SYT9: variants seen among roughly 807,000 people sequenced by gnomAD.
SYT9 encodes the protein synaptotagmin-9.
Under a neutral mutation model 48.4 loss-of-function variants are expected in SYT9, and 22 were observed. That is an observed-to-expected ratio of 0.45 (90% CI 0.32 to 0.65). SYT9 has a LOEUF of 0.65. Ranked by LOEUF, SYT9 falls within the 30% of genes least tolerant of loss-of-function variation. SYT9 has a pLI of 0.03. For missense variants in SYT9, 577 were observed against 622.0 expected (o/e 0.93, Z 0.77); for synonymous variants, 265 against 245.0 (o/e 1.08, Z -0.76).
intron 3 of SYT9, among the ~76,000 whole-genome samples, chr11:7,364,106 T>A (rs1850197702): frequency 6.6e-6 from 1 of 152,118 alleles, no homozygotes; most frequent in African/African-American, 2.4e-5. Context: ...ACAGCAAAGA[T>A]AATCCACTGA....
intron 6 of SYT9, among the ~76,000 whole-genome samples, chr11:7,436,172 T>A (rs1847705435): frequency 6.6e-6 from 1 of 152,224 alleles, no homozygotes; most frequent in Non-Finnish European, 1.5e-5. Flanking sequence ...CACTCCATGC[T>A]AAGAGAACAT....
intron 1 of SYT9, among the ~76,000 whole-genome samples, chr11:7,289,682 T>C (rs1848664386): frequency 6.6e-6 from 1 of 152,216 alleles, no homozygotes; most frequent in African/African-American, 2.4e-5. Context: ...GAATTGGTAT[T>C]CTTTGTATCT....
intron 3 of SYT9, among the ~76,000 whole-genome samples, chr11:7,352,152 T>G (rs959033852): frequency 5.3e-5 from 8 of 152,238 alleles, no homozygotes; most frequent in Admixed American, 3.9e-4. Flanking sequence ...TGTGAGAATT[T>G]ACCCAGTGTA....
intron 3 of SYT9, among the ~76,000 whole-genome samples, chr11:7,336,863 T>C (rs538245587): frequency 1.3e-5 from 2 of 152,310 alleles, no homozygotes; most frequent in African/African-American, 4.8e-5. Context: ...AATTTTAAAA[T>C]AGTTTCTGCT....
intron 1 of SYT9, among the ~76,000 whole-genome samples, chr11:7,259,403 A>T (rs543914872): frequency 4.6e-4 from 70 of 152,068 alleles, no homozygotes; most frequent in Admixed American, 4.5e-3. Flanking sequence ...TTTAGTGTGA[A>T]TAATGTCTTG....
At chr11:7,457,375 T>C (rs976319850) in intron 6 of SYT9, 1 of 152,268 alleles carries the variant, frequency 6.6e-6, no homozygotes, top group Non-Finnish European at 1.5e-5. Context: ...CACTTGATAT[T>C]ATCTGTGTGT....
chr11:7,238,825 T>C (rs1241428388), exon 1 of SYT9: 1 of 455,724 alleles, frequency 2.2e-6, no homozygotes, highest in African/African-American at 2.0e-5. Context: ...AGACTTCAAT[T>C]TGGGAAAGAA....
intron 3 of SYT9, among the ~76,000 whole-genome samples, chr11:7,360,439 G>T (rs915468839): frequency 1.1e-4 from 17 of 152,116 alleles, no homozygotes; most frequent in African/African-American, 3.6e-4. Flanking sequence ...AAATTACCTT[G>T]GGCAGTATGG....
chr11:7,341,596 T>C (rs955530846), intron 3 of SYT9, among the ~76,000 whole-genome samples: 2 of 152,204 alleles, frequency 1.3e-5, no homozygotes, highest in East Asian at 3.9e-4. Flanking sequence ...ATTAAACCTC[T>C]TTTTCTTTAT....
chr11:7,286,895 T>A (rs1192203071), intron 1 of SYT9, among the ~76,000 whole-genome samples: 2 of 152,194 alleles, frequency 1.3e-5, no homozygotes, highest in Non-Finnish European at 2.9e-5. Flanking sequence ...ATTCAACAAG[T>A]CTCCAGGAAG....
At chr11:7,290,617 G>A (rs192153477) in intron 1 of SYT9, among the ~76,000 whole-genome samples, 11 of 152,246 alleles carry the variant, frequency 7.2e-5, no homozygotes, top group African/African-American at 9.6e-5. Context: ...CACATTTTTA[G>A]TGGAGTAAGG....
chr11:7,274,114 G>T (rs1270302175), intron 1 of SYT9, among the ~76,000 whole-genome samples: 1 of 152,274 alleles, frequency 6.6e-6, no homozygotes, highest in South Asian at 2.1e-4. Flanking sequence ...CTTGTATGCT[G>T]TTTGAGATAA....
intron 1 of SYT9, among the ~76,000 whole-genome samples, chr11:7,287,698 C>T (rs755749893): frequency 3.9e-5 from 6 of 152,130 alleles, no homozygotes; most frequent in Admixed American, 6.5e-5. Context: ...CTGGCTATTG[C>T]GTCTTCCTCT....
chr11:7,361,406 A>G (rs1850134625), intron 3 of SYT9, among the ~76,000 whole-genome samples: 1 of 152,202 alleles, frequency 6.6e-6, no homozygotes, highest in African/African-American at 2.4e-5. Flanking sequence ...TCTGAAGAAT[A>G]CCAGTTATTT....
intron 6 of SYT9, chr11:7,438,273 GA>G (rs1439207864): frequency 1.3e-5 from 2 of 152,176 alleles, no homozygotes; most frequent in African/African-American, 4.8e-5. Context: ...AGAGGGAGGG[GA>G]TAACTGCTGT....
At chr11:7,447,439 C>T (rs1446632140) in intron 6 of SYT9, among the ~76,000 whole-genome samples, 1 of 152,216 alleles carries the variant, frequency 6.6e-6, no homozygotes, top group Non-Finnish European at 1.5e-5. Flanking sequence ...GGCAACACTG[C>T]TCTGTGGTGC....
intron 3 of SYT9, among the ~76,000 whole-genome samples, chr11:7,411,471 CT>C (rs1321745388): frequency 3.3e-5 from 5 of 152,224 alleles, no homozygotes; most frequent in Admixed American, 6.5e-5. Context: ...CTGGGAAGGA[CT>C]TTTTTTGTGA....
At position 7,429,721 on chromosome 11, in the gene SYT9, C is replaced by A. The variant is rs551934067; in HGVS notation, c.1467+9086C>A. 1.1e-4 allele frequency among the ~76,000 whole-genome samples: 16 copies of A among 152,196 alleles called. 1 individual carries two copies. The South Asian group carries it at 3.3e-3, about 32-fold the overall frequency. On this transcript the variant is annotated intron_variant, in intron 6 of 6. Coordinates refer to ENST00000318881, the MANE Select transcript of SYT9 (RefSeq NM_175733.4). ...TTCTGCCTGGCTCACTGCGGTATGT[C>A]CAATACCTAACAAAGTGTGTGGCCC... is the stretch of plus-strand genomic sequence containing the variant.
chr11:7,455,973 A>C (rs72846886), intron 6 of SYT9, among the ~76,000 whole-genome samples: 23,550 of 152,160 alleles, frequency 0.15, 2,062 homozygotes, highest in African/African-American at 0.21. Flanking sequence ...CATAATCCTC[A>C]GGGTTCATTT....
Sources: gnomAD v4.1 joint callset for allele counts (sites outside exome capture counted in the v4.1 genomes callset) on GRCh38, gnomAD v4.1.1 for gene constraint, MANE v1.5 for transcripts, NCBI Gene and HGNC (gene_info 2026-07-23, HGNC 2026-07-21) for gene names.